HNRNPU: variants seen among roughly 807,000 people sequenced by gnomAD.
HNRNPU encodes the protein HNRNPU antisense RNA 1.
HNRNPU carries 5 observed loss-of-function variants against 94.7 expected under a neutral mutation model. The observed-to-expected ratio is 0.05, with a 90% CI of 0.03 to 0.11. HNRNPU has a LOEUF of 0.11. Ranked by LOEUF, HNRNPU falls within the 10% of genes least tolerant of loss-of-function variation. HNRNPU has a pLI of 1.00. For synonymous variants in HNRNPU, 434 were observed against 381.6 expected, an observed-to-expected ratio of 1.14 and a Z score of -1.60; for missense variants, 710 against 1,049.2, an observed-to-expected ratio of 0.68 and a Z score of 4.47.
Position 244,857,676 on chromosome 1 carries a change from G to A in HNRNPU, c.1536C>T (p.Thr512=), listed in dbSNP as rs552747149. 3 of 1,613,730 alleles carry A rather than the reference G, an allele frequency of 1.9e-6. No individual in the cohort carries two copies. In the Admixed American group the frequency reaches 5.0e-5, roughly 27 times the overall value. The change falls in exon 8 of 14, where the codon ACC becomes ACT. Residue 512 remains threonine (T), a synonymous_variant. Transcript: ENST00000640218. ...TTTCTGCTGCATGTTTAGTAACCCA[G>A]GTAGTTTTTCCAGCTCCTGGCAAGC... is the stretch of plus-strand genomic sequence containing the variant. The part of the protein sequence containing the change: ...MIGLPGAGKT[T]WVTKHAAENP...
In HNRNPU at chr1:244,856,864, C is replaced by G. The variant is rs1680694709; in HGVS notation, c.1615-8G>C. 5.0e-6 allele frequency: 8 copies of G among 1,584,364 alleles called. No homozygotes were observed. The highest frequency in any genetic ancestry group is 6.8e-6 in the Non-Finnish European group (8 of 1,169,182). On this transcript the variant is annotated splice_polypyrimidine_tract_variant and splice_region_variant and intron_variant, in intron 8 of 13. Transcript: ENST00000640218. ...CTTCTTAAAACCTGCCACCTATATTCAAAAGTTAAAATTTCCCCTTGAACT... is the reference window on the plus strand; with the variant it reads ...CTTCTTAAAACCTGCCACCTATATTGAAAAGTTAAAATTTCCCCTTGAACT...
chr1:244,863,766 T>G lies in HNRNPU; in HGVS notation c.542A>C (p.Lys181Thr), dbSNP rs747403316. 6 of 1,594,174 alleles carry G rather than the reference T, an allele frequency of 3.8e-6. No homozygotes were observed. The African/African-American group carries it at 8.1e-5, about 22-fold the overall frequency. Residue 181 changes from lysine to threonine, a missense_variant, in exon 1 of 14, where the codon AAG becomes ACG. Around this residue, in one of 8 missense-constraint regions of HNRNPU, gnomAD observed 292 missense variants for 293.4 expected, o/e 1.00. Transcript: ENST00000640218. ...GCCGCTGCTCTTCCCCGCGGCCTCC[T>G]TGGCGGCCCCGCGCTGCTGTTGGGG... ...QQPQQQRGAAKEAAGKSSGPT... is the reference protein window; with the variant it reads ...QQPQQQRGAATEAAGKSSGPT...
At chr1:244,859,533 GATGTGC>G in intron 4 of HNRNPU, 159 bp from the exon 5 acceptor site, 1 of 470,896 alleles carries the variant, frequency 2.1e-6, no homozygotes, top group Non-Finnish European at 3.8e-6. Context: ...ACTTTAAACT[GATGTGC>G]TTATAACTTG....
chr1:244,864,212 G>C lies in HNRNPU; in HGVS notation c.96C>G (p.Ala32=), dbSNP rs888049011. The C allele has an allele frequency of 1.7e-5, 28 of 1,611,984 alleles. No individual in the cohort carries two copies. The highest frequency in any genetic ancestry group is 2.4e-5 in the Non-Finnish European group (28 of 1,179,356). The change falls in exon 1 of 14, where the codon GCC becomes GCG. Residue 32 remains alanine, a synonymous_variant. Coordinates refer to ENST00000640218, the MANE Select transcript of HNRNPU (RefSeq NM_031844.3). The stretch of plus-strand genomic sequence containing the variant: ...CAGCCTGGAGTCGCTCCATGAGCTC[G>C]GCCTTGAGACCCTTGTCAGAAAGGC... ...KRRLSDKGLK[A]ELMERLQAAL...
intron 10 of HNRNPU, 58 bp downstream of exon 10, chr1:244,856,399 G>A: frequency 2.0e-6 from 3 of 1,521,466 alleles, no homozygotes; most frequent in Non-Finnish European, 2.7e-6. Context: ...AGAATATGTA[G>A]GAAAAACATT....
At chr1:244,859,582 T>C (rs185172482) in intron 4 of HNRNPU, 18 of 369,796 alleles carry the variant, frequency 4.9e-5, no homozygotes, top group African/African-American at 3.5e-4. Flanking sequence ...ATTTGACCCA[T>C]ATTTAAAAGA....
Position 244,860,368 on chromosome 1 carries a change from A to C in HNRNPU, c.984T>G (p.Gly328=). Residue 328 remains glycine, a synonymous_variant, in exon 4 of 14, where the codon GGT becomes GGG. Coordinates refer to ENST00000640218, the MANE Select transcript of HNRNPU (RefSeq NM_031844.3). ...CAAAACACACTTTGCCTTTTGACAC[A>C]CCATAGGATGCTCTTCCTCCAGCCC... ...FLWAGGRASY[G]VSKGKVCFEM... is the part of the protein sequence containing the mutation. 6.2e-7 allele frequency: 1 copy of C among 1,611,804 alleles called. No individual in the cohort carries two copies. Among genetic ancestry groups the C allele is most frequent in the Non-Finnish European group, 8.5e-7 (1 of 1,179,410 alleles).
Position 244,864,371 on chromosome 1 carries a change from G to T in HNRNPU, c.-64C>A. On this transcript the variant is annotated 5_prime_UTR_variant, in exon 1 of 14. Coordinates refer to ENST00000640218, the MANE Select transcript of HNRNPU (RefSeq NM_031844.3). ...CTCGGCTCCGCTCACTCGGCCACTGGTGGCGGCTGCTGCGGCTGCTCCTCG... is the reference window on the plus strand; with the variant it reads ...CTCGGCTCCGCTCACTCGGCCACTGTTGGCGGCTGCTGCGGCTGCTCCTCG... The T allele has an allele frequency of 6.3e-7, 1 of 1,588,906 alleles. No homozygotes were observed. The highest frequency in any genetic ancestry group is 8.5e-7 in the Non-Finnish European group (1 of 1,172,288).
Position 244,856,012 on chromosome 1 carries a change from A to T in HNRNPU, c.2059T>A (p.Ser687Thr). Residue 687 changes from serine to threonine, a missense_variant, in exon 11 of 14, where the codon TCA (serine) becomes ACA (threonine). Physicochemically the swap from Ser to Thr is moderately conservative, Grantham distance 58. Around this residue, in one of 8 missense-constraint regions of HNRNPU, gnomAD observed 152 missense variants for 238.9 expected, o/e 0.64. Transcript: ENST00000640218. ...LPPEKKQNTG[S>T]KKSNKNKSGK... ...CTCTTATTTTTATTGCTTTTCTTTG[A>T]GCCAGTGTTCTGTTTCTTTTCTGGT... 1.2e-6 allele frequency: 2 copies of T among 1,614,044 alleles called. No homozygotes were observed. Among genetic ancestry groups the T allele is most frequent in the South Asian group, 2.2e-5 (2 of 91,078 alleles).
rs747108904 is a variant in HNRNPU at position 244,863,931 on chromosome 1, G to GCCT, written c.374_376dup (p.Glu125dup). ...GTCGCCGTTCTCGTCTTCCGAGGCG[G>GCCT]CCTCCTCCTCCTCCATCGGGCCCGA... On this transcript the variant is annotated inframe_insertion, in exon 1 of 14. Coordinates refer to ENST00000640218, the MANE Select transcript of HNRNPU (RefSeq NM_031844.3). The GCCT allele has an allele frequency of 1.9e-5, 30 of 1,613,724 alleles. No homozygotes were observed. Among genetic ancestry groups the GCCT allele is most frequent in the African/African-American group, 4.0e-5 (3 of 74,928 alleles).
intron 13 of HNRNPU, chr1:244,854,741 A>T: frequency 5.6e-6 from 3 of 532,618 alleles, no homozygotes. Context: ...CAGTAAAAGA[A>T]CTGTATATAT....
intron 2 of HNRNPU, 37 bp from the exon 3 acceptor site, chr1:244,862,571 A>G (rs1485762770): frequency 6.2e-6 from 10 of 1,609,796 alleles, no homozygotes; most frequent in Non-Finnish European, 8.5e-6. Flanking sequence ...CAGCTTTCCG[A>G]TCAACGAACG....
At position 244,853,789 on chromosome 1, in the gene HNRNPU, T is replaced by C. The variant is rs1680605623; in HGVS notation, c.*661A>G. ...GCCTCCACAAATAATGCAACCAAGT[T>C]TTACATTTTTAACAGCCCTTCTACA... On this transcript the variant is annotated 3_prime_UTR_variant, in exon 14 of 14. Coordinates refer to ENST00000640218, the MANE Select transcript of HNRNPU (RefSeq NM_031844.3). The C allele has an allele frequency of 6.5e-6, 1 of 152,722 alleles. No individual in the cohort carries two copies. Among genetic ancestry groups the C allele is most frequent in the Non-Finnish European group, 1.5e-5 (1 of 67,996 alleles). The allele number at this position is 152,722 out of a possible 1,614,324, so 9.5% of individuals were successfully genotyped here. A position where few individuals can be genotyped will look rare whatever the true frequency, so the allele number is the denominator to read the frequency against.
At chr1:244,862,902 T>C in intron 1 of HNRNPU, 172 bp from the exon 2 acceptor site, 1 of 640,196 alleles carries the variant, frequency 1.6e-6, no homozygotes. Flanking sequence ...TTGGCGCTAG[T>C]GACGCAGTCT....
chr1:244,862,363 CAA>C (rs1680856893), intron 3 of HNRNPU, 96 bp downstream of exon 3: 7 of 806,570 alleles, frequency 8.7e-6, no homozygotes, highest in Non-Finnish European at 9.9e-6. Flanking sequence ...AAAACTAACC[CAA>C]GTTTTGCTGC....
rs994794314 is a variant in HNRNPU at position 244,850,908 on chromosome 1, G to A, written c.*3542C>T. 3 of 152,070 alleles carry A rather than the reference G, an allele frequency of 2.0e-5. No individual in the cohort carries two copies. Among genetic ancestry groups the A allele is most frequent in the Admixed American group, 6.5e-5 (1 of 15,272 alleles). 9.4% of individuals were successfully genotyped at this position (152,070 alleles called of 1,614,324 possible). Reference sequence around the variant, plus strand: ...CAGTATTGTGTTCATCTTTCCAGGGGAACATCTCAAATGGGTATTCTGAAG... The same window carrying A: ...CAGTATTGTGTTCATCTTTCCAGGGAAACATCTCAAATGGGTATTCTGAAG... On this transcript the variant is annotated 3_prime_UTR_variant, in exon 14 of 14. Coordinates refer to ENST00000640218, the MANE Select transcript of HNRNPU (RefSeq NM_031844.3).
In HNRNPU at chr1:244,852,567, T is replaced by C. The variant is rs1368568097; in HGVS notation, c.*1883A>G. On this transcript the variant is annotated 3_prime_UTR_variant, in exon 14 of 14. Transcript: ENST00000640218. ...GAAGAGTAGTAGCTCAGGCCAGTGG[T>C]TCTTAGCATTACTTGCTAAAAAAGA... 4 of 152,142 alleles carry C rather than the reference T, an allele frequency of 2.6e-5. No individual in the cohort carries two copies. Among genetic ancestry groups the C allele is most frequent in the Non-Finnish European group, 5.9e-5 (4 of 68,008 alleles). The allele number at this position is 152,142 out of a possible 1,614,324, so 9.4% of individuals were successfully genotyped here.
Position 244,854,162 on chromosome 1 carries a change from TAA to T in HNRNPU, c.*286_*287del, listed in dbSNP as rs769259590. On this transcript the variant is annotated 3_prime_UTR_variant, in exon 14 of 14. Transcript: ENST00000640218. ...AAGCAACATTTTACTTCTGTTGTGATAAAAAAAAAAAAAAGTCACATTTTACA... is the reference window on the plus strand; with the variant it reads ...AAGCAACATTTTACTTCTGTTGTGATAAAAAAAAAAAAGTCACATTTTACA... 2,532 of 232,846 alleles carry T rather than the reference TAA, an allele frequency of 0.011. No individual in the cohort carries two copies. Among genetic ancestry groups the T allele is most frequent in the South Asian group, 0.023 (343 of 15,174 alleles). 14.4% of individuals were successfully genotyped at this position (232,846 alleles called of 1,614,324 possible). A position where few individuals can be genotyped will look rare whatever the true frequency, so the allele number is the denominator to read the frequency against.
chr1:244,857,771 T>C, intron 7 of HNRNPU, 54 bp from the exon 8 acceptor site: 1 of 1,576,336 alleles, frequency 6.3e-7, no homozygotes, highest in South Asian at 1.2e-5. Context: ...CACCTAATAA[T>C]TCTTTAAATA....
Sources: allele counts gnomAD v4.1 joint callset, GRCh38; gene constraint gnomAD v4.1.1; regional missense constraint gnomAD v4.1.1; transcripts MANE v1.5; gene names NCBI Gene and HGNC (gene_info 2026-07-23, HGNC 2026-07-21).